The following TCP1 variants were observed in gnomAD, a reference collection of about 807,000 sequenced individuals.
TCP1 encodes the protein t-complex 1, also known as T-complex protein 1 subunit alpha.
In TCP1, 6 loss-of-function variants were observed where a neutral mutation model predicts 54.7. The ratio of observed to expected loss-of-function variants is 0.11; its 90% CI spans 0.06 to 0.22. The LOEUF is 0.22. TCP1 is among the 10% of genes least tolerant of loss of function. The pLI is 1.00. For missense variants in TCP1, 511 were observed against 678.2 expected, an observed-to-expected ratio of 0.75 and a Z score of 2.74; for synonymous variants, 225 against 229.7, an observed-to-expected ratio of 0.98 and a Z score of 0.19.
In TCP1 at chr6:159,780,993, A is replaced by C; in HGVS notation, c.915T>G (p.Ala305=). The change falls in exon 8 of 12, where the codon GCT becomes GCG. Residue 305 remains alanine (A), a synonymous_variant. Coordinates refer to ENST00000321394, the MANE Select transcript of TCP1 (RefSeq NM_030752.3). ...TTTTTAAAACTCTTCTAACTGCCAT[A>C]GCACCAGCCTCCACAAAATACTTCA... ...MCLKYFVEAG[A]MAVRRVLKRD... The C allele has an allele frequency of 1.2e-6, 2 of 1,613,540 alleles. No homozygotes were observed. The highest frequency in any genetic ancestry group is 1.7e-6 in the Non-Finnish European group (2 of 1,179,768).
chr6:159,789,183 C>G (rs1780784187), intron 1 of TCP1: 1 of 552,208 alleles, frequency 1.8e-6, no homozygotes, highest in Non-Finnish European at 3.2e-6. Context: ...CGTTGCCGGT[C>G]TCAAAACCCT....
In TCP1 at chr6:159,785,966, G is replaced by A. The variant is rs138621617; in HGVS notation, c.311C>T (p.Ala104Val). The A allele has an allele frequency of 6.2e-7, 1 of 1,613,794 alleles. No homozygotes were observed. Among genetic ancestry groups the A allele is most frequent in the Non-Finnish European group, 8.5e-7 (1 of 1,179,898 alleles). Reference sequence around the variant, plus strand: ...AATTTTCTGTTTGACTAATTCATCTGCATTTTTTAGGAGTTCTGCTGCAAT... The same window carrying A: ...AATTTTCTGTTTGACTAATTCATCTACATTTTTTAGGAGTTCTGCTGCAAT... Reference protein sequence around the residue: ...VIIAAELLKNADELVKQKIHP... With the variant: ...VIIAAELLKNVDELVKQKIHP... The change falls in exon 4 of 12, where the codon GCA (alanine) becomes GTA (valine). Residue 104 changes from alanine (A) to valine (V), a missense_variant. Ala to Val is a moderately conservative substitution (Grantham distance 64). Coordinates refer to ENST00000321394, the MANE Select transcript of TCP1 (RefSeq NM_030752.3).
At chr6:159,779,488 C>A in intron 11 of TCP1, 139 bp downstream of exon 11, 3 of 1,241,296 alleles carry the variant, frequency 2.4e-6, no homozygotes, top group Non-Finnish European at 3.3e-6. Flanking sequence ...GACTGAACAA[C>A]AAATGCTTGC....
At chr6:159,782,865 A>C (rs1205307303) in intron 7 of TCP1, among the ~76,000 whole-genome samples, 1 of 152,244 alleles carries the variant, frequency 6.6e-6, no homozygotes, top group Non-Finnish European at 1.5e-5. Context: ...CATCCCCGAA[A>C]GCATTTCAAG....
chr6:159,788,312 A>G, intron 1 of TCP1, 169 bp from the exon 2 acceptor site: 1 of 603,908 alleles, frequency 1.7e-6, no homozygotes, highest in Non-Finnish European at 2.9e-6. Context: ...AAATGGGGCC[A>G]GACACTGTGG....
At chr6:159,786,756 T>C (rs747669968) in intron 3 of TCP1, among the ~76,000 whole-genome samples, 1 of 152,190 alleles carries the variant, frequency 6.6e-6, no homozygotes, top group Non-Finnish European at 1.5e-5. Flanking sequence ...CCACAAACTA[T>C]CTAGTTTCTC....
At chr6:159,785,569 C>T in intron 4 of TCP1, 73 bp from the exon 5 acceptor site, 3 of 1,180,686 alleles carry the variant, frequency 2.5e-6, no homozygotes, top group Non-Finnish European at 3.8e-6. Context: ...TCATGCTTAA[C>T]ACAGAGCCAA....
intron 4 of TCP1, 86 bp from the exon 5 acceptor site, chr6:159,785,582 T>G: frequency 2.8e-6 from 3 of 1,074,944 alleles, no homozygotes; most frequent in Non-Finnish European, 4.3e-6. Context: ...AGAGCCAAAA[T>G]GTCGTAAGTA....
Position 159,789,522 on chromosome 6 carries a change from C to G in TCP1, c.-54G>C. On this transcript the variant is annotated 5_prime_UTR_variant, in exon 1 of 12. Coordinates refer to ENST00000321394, the MANE Select transcript of TCP1 (RefSeq NM_030752.3). Reference sequence around the variant, plus strand: ...TGCTTACACCGCGGGCAACCAGTATCGCGGCCCCTCGGCCGACCGGCGACC... The same window carrying G: ...TGCTTACACCGCGGGCAACCAGTATGGCGGCCCCTCGGCCGACCGGCGACC... The G allele has an allele frequency of 6.2e-7, 1 of 1,607,772 alleles. No individual in the cohort carries two copies. Among genetic ancestry groups the G allele is most frequent in the Non-Finnish European group, 8.5e-7 (1 of 1,175,906 alleles).
chr6:159,785,722 T>A (rs1780681443), intron 4 of TCP1, 178 bp downstream of exon 4: 2 of 783,956 alleles, frequency 2.6e-6, no homozygotes, highest in South Asian at 2.8e-5. Flanking sequence ...AATGTGGTAG[T>A]CAAATGAGAA....
At chr6:159,785,580 A>G (rs900302203) in intron 4 of TCP1, 84 bp from the exon 5 acceptor site, 1 of 1,098,262 alleles carries the variant, frequency 9.1e-7, no homozygotes, top group Non-Finnish European at 1.4e-6. Flanking sequence ...ACAGAGCCAA[A>G]ATGTCGTAAG....
In TCP1 at chr6:159,785,876, T is replaced by G. The variant is rs367897535; in HGVS notation, c.377+24A>C. On this transcript the variant is annotated intron_variant, in intron 4 of 11. Transcript: ENST00000321394. ...TTACAACTATTACATCAAAAAAAATTTCTCTGAATGCAAACAATCTTACTT... is the reference window on the plus strand; with the variant it reads ...TTACAACTATTACATCAAAAAAAATGTCTCTGAATGCAAACAATCTTACTT... 865 of 1,595,746 alleles carry G rather than the reference T, an allele frequency of 5.4e-4. 1 individual carries two copies. Among genetic ancestry groups the G allele is most frequent in the Non-Finnish European group, 7.1e-4 (831 of 1,165,200 alleles).
intron 1 of TCP1, 100 bp from the exon 2 acceptor site, chr6:159,788,243 C>A: frequency 9.3e-7 from 1 of 1,072,814 alleles, no homozygotes; most frequent in Non-Finnish European, 1.4e-6. Context: ...CAACAGCCCC[C>A]GTATTTCCCA....
At position 159,783,412 on chromosome 6, in the gene TCP1, C is replaced by T. The variant is rs1011408886; in HGVS notation, c.797+529G>A. On this transcript the variant is annotated intron_variant, in intron 7 of 11. Transcript: ENST00000321394. Reference sequence around the variant, plus strand: ...TTTTTTTTTTTTTGAGACAGGGTCTCGCTGTCACCCAGGTTGGAGTGCAGT... The same window carrying T: ...TTTTTTTTTTTTTGAGACAGGGTCTTGCTGTCACCCAGGTTGGAGTGCAGT... 2.0e-3 allele frequency among the ~76,000 whole-genome samples: 255 copies of T among 128,542 alleles called. No individual in the cohort carries two copies. The Middle Eastern group carries it at 0.043, about 22-fold the overall frequency. The allele number at this position is 128,542 out of a possible 152,430, so 84.3% of individuals were successfully genotyped here.
At chr6:159,783,104 T>C (rs1302234752) in intron 7 of TCP1, among the ~76,000 whole-genome samples, 3 of 152,112 alleles carry the variant, frequency 2.0e-5, no homozygotes, top group East Asian at 1.9e-4. Context: ...ATGAAGAAGC[T>C]TGAAGGACAA....
In TCP1 at chr6:159,779,271, A is replaced by AAT. The variant is rs1562481570; in HGVS notation, c.1455-11_1455-10insAT. ...CAAATCAAGACCAATCCTGCAATTA[A>AAT]GAAAGAATTATTTAACGGCCGCTTA... On this transcript the variant is annotated splice_polypyrimidine_tract_variant and intron_variant, in intron 11 of 11. Transcript: ENST00000321394. The AAT allele has an allele frequency of 6.2e-7, 1 of 1,608,820 alleles. No homozygotes were observed.
chr6:159,785,585 C>A, intron 4 of TCP1, 89 bp from the exon 5 acceptor site: 1 of 1,055,526 alleles, frequency 9.5e-7, no homozygotes, highest in South Asian at 1.3e-5. Context: ...GCCAAAATGT[C>A]GTAAGTAATA....
chr6:159,786,603 G>C (rs1309286776), intron 3 of TCP1, among the ~76,000 whole-genome samples: 1 of 152,148 alleles, frequency 6.6e-6, no homozygotes, highest in Non-Finnish European at 1.5e-5. Flanking sequence ...TATTTTTAAA[G>C]CAAAAAGACT....
chr6:159,780,397 T>G (rs1780547382), intron 9 of TCP1, 46 bp downstream of exon 9: 1 of 1,612,706 alleles, frequency 6.2e-7, no homozygotes, highest in Non-Finnish European at 8.5e-7. Flanking sequence ...CTACTTTTAC[T>G]TAACAAAATC....
Sources: gnomAD v4.1 joint callset for allele counts (sites outside exome capture counted in the v4.1 genomes callset) on GRCh38, gnomAD v4.1.1 for gene constraint, MANE v1.5 for transcripts, NCBI Gene and HGNC (gene_info 2026-07-23, HGNC 2026-07-21) for gene names.